EPB41L4A: variants seen among roughly 807,000 people sequenced by gnomAD.
EPB41L4A encodes the protein band 4.1-like protein 4A.
In EPB41L4A, 100 loss-of-function variants were observed where a neutral mutation model predicts 108.6. That is an observed-to-expected ratio of 0.92 (90% CI 0.78 to 1.09). EPB41L4A has a LOEUF of 1.09. Ranked by LOEUF, EPB41L4A falls within the 50% of genes least tolerant of loss-of-function variation. The pLI is 0.00. For synonymous variants in EPB41L4A, 319 were observed against 289.0 expected (o/e 1.10, Z -1.05); for missense variants, 1,030 against 842.7 (o/e 1.22, Z -2.75).
chr5:112,319,965 C>A (rs1321325116), intron 1 of EPB41L4A, among the ~76,000 whole-genome samples: 5 of 152,154 alleles, frequency 3.3e-5, no homozygotes, highest in Admixed American at 3.3e-4. Flanking sequence ...AGAAAAAAAT[C>A]ATCATAAAGC....
intron 2 of EPB41L4A, among the ~76,000 whole-genome samples, chr5:112,281,719 C>T (rs183040372): frequency 1.0e-3 from 156 of 152,358 alleles, no homozygotes; most frequent in Non-Finnish European, 1.4e-3. Context: ...AATGCTTGTT[C>T]TGCTATGTAA....
intron 1 of EPB41L4A, among the ~76,000 whole-genome samples, chr5:112,354,333 A>G (rs1758240473): frequency 6.6e-6 from 1 of 152,218 alleles, no homozygotes; most frequent in Non-Finnish European, 1.5e-5. Context: ...GGGAGCTAGA[A>G]GTCAAAAATT....
intron 13 of EPB41L4A, among the ~76,000 whole-genome samples, chr5:112,206,311 A>C (rs6876893): frequency 0.78 from 117,872 of 151,472 alleles, 46,564 homozygotes; most frequent in East Asian, 1. Context: ...AGGGTCATAG[A>C]GGAGTACTTT....
At chr5:112,301,586 G>A (rs771061139) in intron 2 of EPB41L4A, among the ~76,000 whole-genome samples, 13 of 152,106 alleles carry the variant, frequency 8.5e-5, no homozygotes, top group Non-Finnish European at 1.6e-4. Flanking sequence ...TTCCTTCAAA[G>A]GGTCTGTGGA....
chr5:112,336,289 G>T (rs377306652), intron 1 of EPB41L4A, among the ~76,000 whole-genome samples: 1 of 152,200 alleles, frequency 6.6e-6, no homozygotes, highest in Non-Finnish European at 1.5e-5. Context: ...ACTTGTTTGA[G>T]AAAGTGCAGG....
chr5:112,171,137 T>C (rs934089482), intron 18 of EPB41L4A, 145 bp from the exon 19 acceptor site: 21 of 686,500 alleles, frequency 3.1e-5, no homozygotes, highest in Non-Finnish European at 4.7e-5. Flanking sequence ...AGAGCCATTG[T>C]GATGGTTAGT....
intron 4 of EPB41L4A, among the ~76,000 whole-genome samples, chr5:112,273,199 A>G (rs1158996734): frequency 5.3e-5 from 8 of 152,240 alleles, no homozygotes; most frequent in African/African-American, 1.9e-4. Flanking sequence ...CATTTAACTT[A>G]CCTAAATTCA....
At chr5:112,171,037 T>C (rs545923996) in intron 18 of EPB41L4A, 45 bp from the exon 19 acceptor site, 2 of 1,505,790 alleles carry the variant, frequency 1.3e-6, no homozygotes, top group Non-Finnish European at 1.8e-6. Context: ...ACATGCTTCA[T>C]CTCACAACCT....
chr5:112,193,420 GCCT>G (rs1761805797), intron 17 of EPB41L4A, among the ~76,000 whole-genome samples: 1 of 152,126 alleles, frequency 6.6e-6, no homozygotes. Flanking sequence ...TCCTGCCTCT[GCCT>G]CCTGAGTAGC....
intron 16 of EPB41L4A, among the ~76,000 whole-genome samples, chr5:112,195,307 G>A (rs1761907859): frequency 6.6e-6 from 1 of 152,010 alleles, no homozygotes; most frequent in South Asian, 2.1e-4. Flanking sequence ...GCTGTCATCT[G>A]ACCACAGCCT....
chr5:112,270,057 G>C (rs75889028), intron 4 of EPB41L4A, among the ~76,000 whole-genome samples: 2,883 of 152,276 alleles, frequency 0.019, 87 homozygotes, highest in African/African-American at 0.066. Context: ...TGTACAAGTT[G>C]TTGAGGACCA....
chr5:112,293,214 AT>A (rs34631751), intron 2 of EPB41L4A, among the ~76,000 whole-genome samples: 3,706 of 147,454 alleles, frequency 0.025, 148 homozygotes, highest in African/African-American at 0.085. Flanking sequence ...CGATGGAAGC[AT>A]TTTTTTTTTT....
upstream of EPB41L4A, chr5:112,419,320 C>G (rs929254679): frequency 2.9e-6 from 1 of 345,136 alleles, no homozygotes; most frequent in Admixed American, 5.0e-5. Context: ...TCCTGCGGCT[C>G]GAGCTCCTCC....
At chr5:112,354,675 A>C (rs1758261079) in intron 1 of EPB41L4A, among the ~76,000 whole-genome samples, 1 of 152,214 alleles carries the variant, frequency 6.6e-6, no homozygotes, top group Non-Finnish European at 1.5e-5. Flanking sequence ...ACCATCCAGA[A>C]AAGATTTTTC....
chr5:112,189,498 C>T (rs779413030), intron 17 of EPB41L4A, among the ~76,000 whole-genome samples: 3 of 152,104 alleles, frequency 2.0e-5, no homozygotes, highest in African/African-American at 4.8e-5. Flanking sequence ...AAACATGCAG[C>T]CTGACACTGA....
chr5:112,406,764 C>T (rs979109869), intron 1 of EPB41L4A, among the ~76,000 whole-genome samples: 1 of 142,444 alleles, frequency 7.0e-6, no homozygotes, highest in Non-Finnish European at 1.5e-5. Context: ...TCCCATGCTG[C>T]AAAGACACAG....
chr5:112,209,758 G>C (rs1762641451), intron 13 of EPB41L4A, 134 bp downstream of exon 13: 1 of 518,064 alleles, frequency 1.9e-6, no homozygotes, highest in Non-Finnish European at 3.4e-6. Flanking sequence ...ATTTGGCCCA[G>C]AGATTTATTG....
At chr5:112,359,964 C>CTA (rs1345844117) in intron 1 of EPB41L4A, among the ~76,000 whole-genome samples, 1 of 152,214 alleles carries the variant, frequency 6.6e-6, no homozygotes, top group African/African-American at 2.4e-5. Flanking sequence ...CATCAGAACT[C>CTA]TATAATTACT....
At chr5:112,146,189 C>T (rs563539685) in intron 12 of EPB41L4A, among the ~76,000 whole-genome samples, 5 of 152,192 alleles carry the variant, frequency 3.3e-5, no homozygotes, top group Non-Finnish European at 5.9e-5. Context: ...TGTCAAGCAT[C>T]GCGATCCTCA....
Sources: allele counts gnomAD v4.1 joint callset (sites outside exome capture counted in the v4.1 genomes callset), GRCh38; gene constraint gnomAD v4.1.1; transcripts MANE v1.5; gene names NCBI Gene and HGNC (gene_info 2026-07-23, HGNC 2026-07-21).